The following RGS6 variants were observed in gnomAD, a reference collection of about 807,000 sequenced individuals.
RGS6 encodes the protein regulator of G protein signaling 6.
RGS6 carries 30 observed loss-of-function variants against 78.5 expected under a neutral mutation model. That is an observed-to-expected ratio of 0.38 (90% CI 0.29 to 0.52). The LOEUF is 0.52. RGS6 is among the 20% of genes least tolerant of loss of function. RGS6 has a pLI of 0.85. For missense variants in RGS6, 495 were observed against 609.7 expected (o/e 0.81, Z 1.98); for synonymous variants, 206 against 206.0 (o/e 1.00, Z 0.00).
chr14:71,938,527 C>T (rs1344177421), intron 1 of RGS6, among the ~76,000 whole-genome samples: 1 of 152,178 alleles, frequency 6.6e-6, no homozygotes, highest in East Asian at 1.9e-4. Context: ...TCTTCTCCTC[C>T]TCTGTCAACT....
chr14:72,012,776 C>T (rs1056557359), intron 2 of RGS6, among the ~76,000 whole-genome samples: 2 of 152,198 alleles, frequency 1.3e-5, no homozygotes, highest in South Asian at 4.1e-4. Flanking sequence ...TACTGTGTGA[C>T]TCTGGGCTAG....
At chr14:71,989,370 C>A (rs1444934640) in intron 2 of RGS6, among the ~76,000 whole-genome samples, 1 of 152,226 alleles carries the variant, frequency 6.6e-6, no homozygotes, top group African/African-American at 2.4e-5. Context: ...TCTGATCTTT[C>A]CTCTGGGATG....
chr14:72,423,501 T>A (rs567065272), intron 3 of RGS6, among the ~76,000 whole-genome samples: 1 of 152,162 alleles, frequency 6.6e-6, no homozygotes, highest in East Asian at 1.9e-4. Flanking sequence ...ATGAAAAGGA[T>A]AAAGTCGTAT....
At chr14:72,297,460 C>T (rs898235005) in intron 2 of RGS6, among the ~76,000 whole-genome samples, 2 of 150,802 alleles carry the variant, frequency 1.3e-5, no homozygotes, top group African/African-American at 4.9e-5. Flanking sequence ...TTTTAGGGTA[C>T]ATGTGCACAT....
At chr14:72,616,031 G>A in the RGS6 span, among the ~76,000 whole-genome samples, 2 of 152,154 alleles carry the variant, frequency 1.3e-5, no homozygotes, top group African/African-American at 4.8e-5. Context: ...TCCATTTGGT[G>A]GCCTCTGCAG....
At chr14:72,312,088 G>A (rs1037035880) in intron 2 of RGS6, among the ~76,000 whole-genome samples, 1 of 152,168 alleles carries the variant, frequency 6.6e-6, no homozygotes, top group Non-Finnish European at 1.5e-5. Flanking sequence ...GGCAGCCTGA[G>A]GTTACCAGGT....
intron 3 of RGS6, among the ~76,000 whole-genome samples, chr14:72,374,628 C>T (rs994357728): frequency 4.0e-4 from 61 of 152,120 alleles, no homozygotes; most frequent in African/African-American, 1.4e-3. Flanking sequence ...AAAAAAATTT[C>T]CAGATAAAAA....
At chr14:71,972,152 C>T (rs2093850653) in intron 2 of RGS6, among the ~76,000 whole-genome samples, 1 of 152,030 alleles carries the variant, frequency 6.6e-6, no homozygotes, top group African/African-American at 2.4e-5. Context: ...CTATCCCTCC[C>T]CCAGCCCAAT....
At chr14:72,491,752 G>A (rs1450074889) in intron 12 of RGS6, among the ~76,000 whole-genome samples, 2 of 152,100 alleles carry the variant, frequency 1.3e-5, no homozygotes, top group Non-Finnish European at 2.9e-5. Flanking sequence ...ACATGTTGGG[G>A]GCAGAAGTGA....
At chr14:72,544,127 G>C (rs2097361682) in intron 17 of RGS6, among the ~76,000 whole-genome samples, 1 of 152,196 alleles carries the variant, frequency 6.6e-6, no homozygotes, top group Non-Finnish European at 1.5e-5. Context: ...CTCTGACATA[G>C]AGGACCAGGA....
intron 15 of RGS6, among the ~76,000 whole-genome samples, chr14:72,530,948 G>A (rs541285300): frequency 3.0e-4 from 45 of 151,798 alleles, no homozygotes; most frequent in African/African-American, 9.4e-4. Flanking sequence ...ATGTATATTC[G>A]ACTAATATCT....
the RGS6 span, among the ~76,000 whole-genome samples, chr14:72,612,814 G>A: frequency 1.3e-5 from 2 of 152,246 alleles, no homozygotes; most frequent in African/African-American, 4.8e-5. Context: ...AGGTCGCGGA[G>A]CCAGTAGCTT....
chr14:72,525,856 C>T (rs1567052900), intron 15 of RGS6, among the ~76,000 whole-genome samples: 1 of 152,150 alleles, frequency 6.6e-6, no homozygotes, highest in Non-Finnish European at 1.5e-5. Context: ...GGGGGTTGCT[C>T]ATTTTATCCT....
At chr14:72,310,184 G>A (rs899187833) in intron 2 of RGS6, among the ~76,000 whole-genome samples, 1 of 152,150 alleles carries the variant, frequency 6.6e-6, no homozygotes, top group Non-Finnish European at 1.5e-5. Context: ...GGATCTAGTC[G>A]GGGTCCAGGA....
intron 1 of RGS6, among the ~76,000 whole-genome samples, chr14:71,959,966 A>T (rs1566912382): frequency 6.6e-6 from 1 of 152,166 alleles, no homozygotes; most frequent in African/African-American, 2.4e-5. Context: ...CTGAGATGTG[A>T]TTCCCAGTCT....
intron 2 of RGS6, among the ~76,000 whole-genome samples, chr14:71,983,073 T>A (rs1272648945): frequency 6.6e-6 from 1 of 152,148 alleles, no homozygotes. Flanking sequence ...ATTAACCCGT[T>A]ATTAGTTTTA....
the RGS6 span, among the ~76,000 whole-genome samples, chr14:72,617,875 C>T: frequency 6.6e-6 from 1 of 151,984 alleles, no homozygotes; most frequent in Non-Finnish European, 1.5e-5. Context: ...AGAAGCCAAG[C>T]ATGCGCGAGG....
chr14:72,176,633 G>A (rs540471126), intron 2 of RGS6, among the ~76,000 whole-genome samples: 8 of 152,340 alleles, frequency 5.3e-5, no homozygotes, highest in African/African-American at 1.9e-4. Flanking sequence ...AGTGAGGGAG[G>A]AAGCTGGGAA....
intron 2 of RGS6, among the ~76,000 whole-genome samples, chr14:72,101,741 G>T (rs1446093937): frequency 1.3e-5 from 2 of 152,160 alleles, no homozygotes; most frequent in East Asian, 3.9e-4. Flanking sequence ...TCCAAAACTT[G>T]CATGTTGAAT....
Sources: allele counts gnomAD v4.1 joint callset (sites outside exome capture counted in the v4.1 genomes callset), GRCh38; gene constraint gnomAD v4.1.1; transcripts MANE v1.5; gene names NCBI Gene and HGNC (gene_info 2026-07-23, HGNC 2026-07-21).